The following CTNNA2 variants were observed in gnomAD, a reference collection of about 807,000 sequenced individuals.
CTNNA2 encodes the protein catenin alpha-2.
CTNNA2 carries 42 observed loss-of-function variants against 101.0 expected under a neutral mutation model. That is an observed-to-expected ratio of 0.42 (90% CI 0.32 to 0.54). The LOEUF is 0.54. Among genes scored for constraint, CTNNA2 ranks in the 20% least tolerant of loss-of-function variants. CTNNA2 has a pLI of 0.14. For synonymous variants in CTNNA2, 450 were observed against 456.4 expected, an observed-to-expected ratio of 0.99 and a Z score of 0.18; for missense variants, 871 against 1,223.1, an observed-to-expected ratio of 0.71 and a Z score of 4.29.
chr2:80,332,707 T>A (rs954636511), intron 7 of CTNNA2, among the ~76,000 whole-genome samples: 16 of 152,230 alleles, frequency 1.1e-4, no homozygotes, highest in African/African-American at 3.6e-4. Context: ...ATCTTAGATA[T>A]CTTCCTTGTT....
rs572076061 is a variant in CTNNA2, at chr2:79,325,602, AT to A, written c.-318+12807del. On this transcript the variant is annotated intron_variant, in intron 3 of 21. Coordinates refer to the CTNNA2 transcript ENST00000466387. ...TGCAGTGTCCCCAGTGCATTGTGAA[AT>A]GATAGCAATGGAACAATGCTGCCCA... Among the ~76,000 whole-genome samples, 15 of 152,324 alleles carry A rather than the reference AT, an allele frequency of 9.8e-5. No homozygotes were observed. In the South Asian group the frequency reaches 3.1e-3, roughly 32 times the overall value.
At chr2:79,194,885 T>C in intron 1 of CTNNA2, among the ~76,000 whole-genome samples, 1 of 152,228 alleles carries the variant, frequency 6.6e-6, no homozygotes, top group Non-Finnish European at 1.5e-5. Flanking sequence ...TTTCTTTCAC[T>C]GTTTCTCAGA....
chr2:79,965,172 G>A (rs989085352), intron 7 of CTNNA2, among the ~76,000 whole-genome samples: 1 of 152,138 alleles, frequency 6.6e-6, no homozygotes, highest in African/African-American at 2.4e-5. Flanking sequence ...AGCACTCCCT[G>A]TAACACATCG....
chr2:80,513,252 A>G (rs966494838), intron 9 of CTNNA2, among the ~76,000 whole-genome samples: 1 of 152,250 alleles, frequency 6.6e-6, no homozygotes, highest in African/African-American at 2.4e-5. Flanking sequence ...GAACAGAGAA[A>G]AAACAATACC....
At chr2:79,850,829 A>G (rs751659805) in intron 3 of CTNNA2, among the ~76,000 whole-genome samples, 1 of 152,234 alleles carries the variant, frequency 6.6e-6, no homozygotes, top group African/African-American at 2.4e-5. Flanking sequence ...AACTTGGCAC[A>G]TTGTGAGCTC....
intron 2 of CTNNA2, among the ~76,000 whole-genome samples, chr2:79,221,796 G>A (rs1196970605): frequency 6.6e-6 from 1 of 152,078 alleles, no homozygotes; most frequent in Non-Finnish European, 1.5e-5. Flanking sequence ...CTTCTCTAGT[G>A]AGAAAAGGTG....
chr2:79,874,735 G>A (rs1682877099), intron 6 of CTNNA2, among the ~76,000 whole-genome samples: 1 of 152,270 alleles, frequency 6.6e-6, no homozygotes, highest in African/African-American at 2.4e-5. Context: ...TTAAACTCGG[G>A]AGGCGGAGAT....
At chr2:80,330,795 A>T (rs767924419) in intron 7 of CTNNA2, among the ~76,000 whole-genome samples, 209 of 152,120 alleles carry the variant, frequency 1.4e-3, no homozygotes, top group Non-Finnish European at 2.6e-3. Flanking sequence ...TGTCTTTATT[A>T]AAACTTGCTC....
At chr2:79,338,578 A>ATCATCTTCT (rs1254200643) in intron 3 of CTNNA2, among the ~76,000 whole-genome samples, 2 of 117,740 alleles carry the variant, frequency 1.7e-5, no homozygotes, top group Admixed American at 9.3e-5. Context: ...CCTCCTCATC[A>ATCATCTTCT]TCTTCTTCTT....
At chr2:80,185,586 AG>A (rs1706069972) in intron 7 of CTNNA2, among the ~76,000 whole-genome samples, 1 of 152,250 alleles carries the variant, frequency 6.6e-6, no homozygotes, top group Non-Finnish European at 1.5e-5. Context: ...AGGACCTTTC[AG>A]AGTCTTGAGC....
At position 79,479,456 on chromosome 2, in the gene CTNNA2, T is replaced by C. The variant is rs55921336; in HGVS notation, c.-134-25598T>C. ...ACCTGTTTTCAGAATGTTATATCTA[T>C]TGCATTTTACTATCTATAGTGAAAA... On this transcript the variant is annotated intron_variant, in intron 4 of 21. Coordinates refer to the CTNNA2 transcript ENST00000466387. Among the ~76,000 whole-genome samples the C allele has an allele frequency of 7.7e-3, 1,166 of 152,344 alleles. 8 individuals are homozygous for C. The highest frequency in any genetic ancestry group is 0.024 in the South Asian group (116 of 4,830).
intron 7 of CTNNA2, among the ~76,000 whole-genome samples, chr2:80,197,691 C>T (rs1442707802): frequency 3.3e-5 from 5 of 152,150 alleles, no homozygotes; most frequent in African/African-American, 1.2e-4. Flanking sequence ...CCAACCTGAC[C>T]CTTGATGTGT....
At chr2:79,646,509 A>T (rs867605912) in intron 1 of CTNNA2, among the ~76,000 whole-genome samples, 2 of 150,624 alleles carry the variant, frequency 1.3e-5, no homozygotes, top group African/African-American at 4.9e-5. Context: ...CACAATTTAA[A>T]ACTTTTCTTT....
At chr2:80,382,716 C>A (rs563937715) in intron 7 of CTNNA2, among the ~76,000 whole-genome samples, 1 of 152,318 alleles carries the variant, frequency 6.6e-6, no homozygotes, top group East Asian at 1.9e-4. Context: ...TACCCTCTGC[C>A]TGAATGTTTT....
chr2:80,003,308 A>T (rs1693092889), intron 7 of CTNNA2, among the ~76,000 whole-genome samples: 1 of 151,900 alleles, frequency 6.6e-6, no homozygotes, highest in African/African-American at 2.4e-5. Flanking sequence ...TCTACCTTTC[A>T]TTGATTCTGT....
rs551224809 is a variant in CTNNA2 at position 80,324,119 on chromosome 2, CTCTTTTGAGCA to C, written c.1057-69090_1057-69080del. 7.2e-5 allele frequency among the ~76,000 whole-genome samples: 11 copies of C among 152,302 alleles called. No individual in the cohort carries two copies. In the East Asian group the frequency reaches 1.5e-3, roughly 21 times the overall value. ...CAGGCTGCTGTTTTACACAAAGACA[CTCTTTTGAGCA>C]TGAAAAATATGAATTGTTACAAATT... On this transcript the variant is annotated intron_variant, in intron 7 of 18. Transcript: ENST00000402739.
At chr2:80,127,469 A>G (rs796845207) in intron 7 of CTNNA2, among the ~76,000 whole-genome samples, 25 of 152,272 alleles carry the variant, frequency 1.6e-4, no homozygotes, top group African/African-American at 5.5e-4. Flanking sequence ...CCCTCCAACC[A>G]TCTAACATGA....
intron 17 of CTNNA2, among the ~76,000 whole-genome samples, chr2:80,615,735 C>A (rs1274630976): frequency 6.6e-6 from 1 of 151,554 alleles, no homozygotes; most frequent in Non-Finnish European, 1.5e-5. Flanking sequence ...CTTTTTCCAG[C>A]CTAAGTTAAA....
At position 79,670,214 on chromosome 2, in the gene CTNNA2, G is replaced by C. The variant is rs180752152; in HGVS notation, c.102+18556G>C. 6.5e-3 allele frequency among the ~76,000 whole-genome samples: 986 copies of C among 152,328 alleles called. 10 individuals carry two copies. The highest frequency in any genetic ancestry group is 0.021 in the African/African-American group (880 of 41,580). Reference sequence around the variant, plus strand: ...TGTCCCGGCTCCTAGTTGCTTCCTGGAGTGGGAAGCCCAGGTCTGCAGCCG... The same window carrying C: ...TGTCCCGGCTCCTAGTTGCTTCCTGCAGTGGGAAGCCCAGGTCTGCAGCCG... On this transcript the variant is annotated intron_variant, in intron 2 of 18. Transcript: ENST00000402739.
Sources: gnomAD v4.1 joint callset for allele counts (sites outside exome capture counted in the v4.1 genomes callset) on GRCh38, gnomAD v4.1.1 for gene constraint, MANE v1.5 for transcripts, NCBI Gene and HGNC (gene_info 2026-07-23, HGNC 2026-07-21) for gene names.